Variants in ITGA6 observed in about 807,000 individuals in gnomAD.
ITGA6 encodes the protein integrin subunit alpha 6, also known as integrin alpha-6.
A neutral mutation model predicts 133.6 loss-of-function variants in ITGA6; 63 were observed. The observed-to-expected ratio is 0.47, with a 90% CI of 0.38 to 0.58. The LOEUF (loss-of-function observed/expected upper bound fraction) is 0.58. Ranked by LOEUF, ITGA6 falls within the 20% of genes least tolerant of loss-of-function variation. The pLI is 0.00. For missense variants in ITGA6, 1,068 were observed against 1,309.4 expected, an observed-to-expected ratio of 0.82 and a Z score of 2.85; for synonymous variants, 434 against 482.0, an observed-to-expected ratio of 0.90 and a Z score of 1.30.
chr2:172,480,667 C>T (rs1416347438), intron 11 of ITGA6, among the ~76,000 whole-genome samples: 4 of 152,168 alleles, frequency 2.6e-5, no homozygotes, highest in East Asian at 3.8e-4. Context: ...CTTTCCTGTC[C>T]GTTCAGAACA....
intron 1 of ITGA6, among the ~76,000 whole-genome samples, chr2:172,434,903 G>C (rs1684252832): frequency 6.6e-6 from 1 of 152,128 alleles, no homozygotes; most frequent in Admixed American, 6.5e-5. Context: ...GTTAGTTGAA[G>C]AGTAAGGAAG....
intron 1 of ITGA6, among the ~76,000 whole-genome samples, chr2:172,432,589 G>GGAAACGGAATCTGTAAGCTTAGCAAA (rs1461300450): frequency 6.6e-6 from 1 of 152,196 alleles, no homozygotes; most frequent in African/African-American, 2.4e-5. Flanking sequence ...CTGCCTCTGA[G>GGAAACGGAATCTGTAAGCTTAGCAAA]GAAACGGAAT....
intron 1 of ITGA6, among the ~76,000 whole-genome samples, chr2:172,460,066 T>C (rs1685369167): frequency 1.3e-5 from 2 of 152,218 alleles, no homozygotes; most frequent in Admixed American, 1.3e-4. Flanking sequence ...AATGTAAGAA[T>C]AGCAAGTCTG....
At position 172,475,699 on chromosome 2, in the gene ITGA6, C is replaced by A; in HGVS notation, c.1269+14C>A. On this transcript the variant is annotated intron_variant, in intron 8 of 25. Coordinates refer to ENST00000684293, the MANE Select transcript of ITGA6 (RefSeq NM_000210.4). ...AAACCAACACAGGTAACCAAATAACCGGGATTTCTACAGCTAGAGTCTCAA... is the reference window on the plus strand; with the variant it reads ...AAACCAACACAGGTAACCAAATAACAGGGATTTCTACAGCTAGAGTCTCAA... 3 of 1,442,754 alleles carry A rather than the reference C, an allele frequency of 2.1e-6. No homozygotes were observed. The highest frequency in any genetic ancestry group is 2.3e-5 in the South Asian group (2 of 87,588). The allele number at this position is 1,442,754 out of a possible 1,614,324, so 89.4% of individuals were successfully genotyped here. A position where few individuals can be genotyped will look rare whatever the true frequency, so the allele number is the denominator to read the frequency against.
At chr2:172,497,865 A>G in intron 23 of ITGA6, 110 bp from the exon 24 acceptor site, 1 of 1,112,870 alleles carries the variant, frequency 9.0e-7, no homozygotes, top group Non-Finnish European at 1.4e-6. Flanking sequence ...TCATCCATTC[A>G]CAGGCTGCAT....
intron 1 of ITGA6, among the ~76,000 whole-genome samples, chr2:172,432,552 C>A (rs1461991997): frequency 6.6e-6 from 1 of 152,220 alleles, no homozygotes; most frequent in East Asian, 1.9e-4. Flanking sequence ...AACCCTTTGC[C>A]CTTCCTTGCT....
At chr2:172,460,131 C>T (rs1339118934) in intron 1 of ITGA6, among the ~76,000 whole-genome samples, 1 of 152,200 alleles carries the variant, frequency 6.6e-6, no homozygotes. Flanking sequence ...TCTGATACTG[C>T]TCCCAGACAG....
intron 11 of ITGA6, among the ~76,000 whole-genome samples, chr2:172,481,833 G>A (rs1008104642): frequency 3.3e-5 from 5 of 152,264 alleles, no homozygotes; most frequent in Admixed American, 6.5e-5. Flanking sequence ...ACAAGAAAAT[G>A]TATACTGTGA....
intron 11 of ITGA6, among the ~76,000 whole-genome samples, chr2:172,480,617 T>TGG (rs1479991678): frequency 6.6e-6 from 1 of 152,208 alleles, no homozygotes; most frequent in African/African-American, 2.4e-5. Flanking sequence ...GCTTTGATAC[T>TGG]GACTGACCCA....
At chr2:172,439,516 G>T (rs910736227) in intron 1 of ITGA6, among the ~76,000 whole-genome samples, 1 of 151,884 alleles carries the variant, frequency 6.6e-6, no homozygotes, top group Non-Finnish European at 1.5e-5. Flanking sequence ...CTGCAAATCA[G>T]ATATGAAACA....
In ITGA6 at chr2:172,487,601, C is replaced by A. The variant is rs779334490; in HGVS notation, c.2215C>A (p.Leu739Ile). The A allele has an allele frequency of 5.0e-6, 8 of 1,614,106 alleles. No homozygotes were observed. The highest frequency in any genetic ancestry group is 1.7e-5 in the Admixed American group (1 of 60,010). ...GAATGGCTCGCAAGCTGACTGTGAG[C>A]TCGGAAATCCTTTTAAAAGAAATTC... ...NQNGSQADCE[L>I]GNPFKRNSNV... Residue 739 changes from leucine to isoleucine, a missense_variant, in exon 16 of 26, where the codon CTC becomes ATC. By Grantham distance (5) the Leu-to-Ile change is conservative. Coordinates refer to ENST00000684293, the MANE Select transcript of ITGA6 (RefSeq NM_000210.4).
intron 5 of ITGA6, among the ~76,000 whole-genome samples, chr2:172,472,068 T>C (rs1265650668): frequency 6.6e-6 from 1 of 152,230 alleles, no homozygotes; most frequent in Non-Finnish European, 1.5e-5. Context: ...ACGCCTATAA[T>C]CCCAACACTT....
intron 1 of ITGA6, among the ~76,000 whole-genome samples, chr2:172,461,060 G>A (rs935260256): frequency 1.3e-5 from 2 of 152,292 alleles, no homozygotes; most frequent in Middle Eastern, 3.4e-3. Context: ...TATATGAAAC[G>A]GATGTGGCTT....
intron 1 of ITGA6, 189 bp from the exon 2 acceptor site, chr2:172,465,350 G>A: frequency 1.4e-6 from 1 of 690,880 alleles, no homozygotes; most frequent in Non-Finnish European, 2.5e-6. Context: ...CCCCTGTTTA[G>A]TTGTGTTTGT....
chr2:172,432,350 A>G (rs1174190503), intron 1 of ITGA6, among the ~76,000 whole-genome samples: 2 of 152,236 alleles, frequency 1.3e-5, no homozygotes, highest in Non-Finnish European at 2.9e-5. Flanking sequence ...CACTATCTTT[A>G]GGACATGATC....
chr2:172,469,828 A>T (rs1685842244), intron 4 of ITGA6, among the ~76,000 whole-genome samples: 1 of 152,216 alleles, frequency 6.6e-6, no homozygotes, highest in Non-Finnish European at 1.5e-5. Flanking sequence ...TTATTTTCAA[A>T]GGCCATGCTT....
chr2:172,468,438 G>C (rs1402000074), intron 3 of ITGA6, among the ~76,000 whole-genome samples: 1 of 152,170 alleles, frequency 6.6e-6, no homozygotes, highest in Non-Finnish European at 1.5e-5. Context: ...TGATATTTAA[G>C]GAATGACATT....
rs1205087787 is a variant in ITGA6, at chr2:172,438,748, G to A, written c.182+10778G>A. Among the ~76,000 whole-genome samples, 3 of 150,056 alleles carry A rather than the reference G, an allele frequency of 2.0e-5. 1 individual carries two copies. The highest frequency in any genetic ancestry group is 6.6e-5 in the Admixed American group (1 of 15,070). ...AATTCCCTCACACTGGGGAGTTTTT[G>A]TAGCTCTCTTATCTTTTCAGTCTGG... On this transcript the variant is annotated intron_variant, in intron 1 of 25. Transcript: ENST00000684293.
chr2:172,447,953 C>T (rs76911281), intron 1 of ITGA6, among the ~76,000 whole-genome samples: 11,440 of 152,124 alleles, frequency 0.075, 1,313 homozygotes, highest in East Asian at 0.52. Flanking sequence ...CTCCCTTGCT[C>T]TTAATGAGAC....
Sources: gnomAD v4.1 joint callset for allele counts (sites outside exome capture counted in the v4.1 genomes callset) on GRCh38, gnomAD v4.1.1 for gene constraint, MANE v1.5 for transcripts, NCBI Gene and HGNC (gene_info 2026-07-23, HGNC 2026-07-21) for gene names.